The following DPP6 variants were observed in gnomAD, a reference collection of about 807,000 sequenced individuals.
The protein encoded by DPP6 is dipeptidyl peptidase like 6.
A neutral mutation model predicts 122.6 loss-of-function variants in DPP6; 69 were observed. That is an observed-to-expected ratio of 0.56 (90% CI 0.46 to 0.69). The LOEUF (loss-of-function observed/expected upper bound fraction) is 0.69. Among genes scored for constraint, DPP6 ranks in the 30% least tolerant of loss-of-function variants. The pLI, the probability that DPP6 is intolerant of heterozygous loss-of-function variation, is 0.00. For synonymous variants in DPP6, 418 were observed against 433.1 expected (o/e 0.97, Z 0.43); for missense variants, 928 against 1,116.9 (o/e 0.83, Z 2.41).
intron 1 of DPP6, among the ~76,000 whole-genome samples, chr7:154,385,155 G>C (rs1367700680): frequency 6.6e-6 from 1 of 152,078 alleles, no homozygotes; most frequent in Non-Finnish European, 1.5e-5. Flanking sequence ...ATTTTTAGTA[G>C]AGACAGGGTT....
At chr7:154,127,061 C>T (rs1206597258) in intron 1 of DPP6, among the ~76,000 whole-genome samples, 7 of 152,096 alleles carry the variant, frequency 4.6e-5, no homozygotes, top group Non-Finnish European at 7.3e-5. Context: ...AGCTGTATCC[C>T]CTCTTCTTCT....
chr7:154,141,923 T>G (rs997163156), intron 1 of DPP6, among the ~76,000 whole-genome samples: 1 of 152,154 alleles, frequency 6.6e-6, no homozygotes, highest in African/African-American at 2.4e-5. Context: ...TGAATATGAT[T>G]TACTGCCCTT....
rs116498025 is a variant in DPP6 at position 154,709,418 on chromosome 7, C to T, written c.763-18349C>T. Among the ~76,000 whole-genome samples the T allele has an allele frequency of 7.2e-3, 1,088 of 152,028 alleles. 11 individuals carry two copies. The highest frequency in any genetic ancestry group is 0.024 in the African/African-American group (1,014 of 41,452). ...TTGTTTTTGTAGAGATGGAGTCTTA[C>T]CGTGTTGCACAGGCTGGTCTCAAAC... On this transcript the variant is annotated intron_variant, in intron 7 of 25. Coordinates refer to ENST00000377770, the MANE Select transcript of DPP6 (RefSeq NM_130797.4).
chr7:154,522,175 C>G (rs555052661), intron 3 of DPP6, among the ~76,000 whole-genome samples: 1 of 152,188 alleles, frequency 6.6e-6, no homozygotes, highest in African/African-American at 2.4e-5. Context: ...GGGGTTTCAC[C>G]GCGTTAGCCA....
At chr7:154,168,645 T>G (rs752218073) in intron 1 of DPP6, among the ~76,000 whole-genome samples, 3 of 152,198 alleles carry the variant, frequency 2.0e-5, no homozygotes, top group Non-Finnish European at 4.4e-5. Context: ...TTGAGGTCTT[T>G]AAAGTCAACA....
intron 1 of DPP6, among the ~76,000 whole-genome samples, chr7:153,931,496 G>C (rs1801167355): frequency 6.6e-6 from 1 of 152,112 alleles, no homozygotes; most frequent in South Asian, 2.1e-4. Context: ...TTCTTCAGGT[G>C]AATGTCCTAG....
chr7:153,994,103 C>T, intron 1 of DPP6, among the ~76,000 whole-genome samples: 1 of 151,782 alleles, frequency 6.6e-6, no homozygotes, highest in Non-Finnish European at 1.5e-5. Context: ...TAAGTGACCT[C>T]TCTGGTTGAG....
chr7:154,181,302 A>G (rs1798068927), intron 1 of DPP6, among the ~76,000 whole-genome samples: 1 of 152,166 alleles, frequency 6.6e-6, no homozygotes, highest in Non-Finnish European at 1.5e-5. Flanking sequence ...TAAGAGAGGA[A>G]CACTACTGTC....
the DPP6 span, among the ~76,000 whole-genome samples, chr7:153,865,189 A>C: frequency 6.6e-6 from 1 of 152,202 alleles, no homozygotes; most frequent in Admixed American, 6.5e-5. Context: ...ATAAAGAAAA[A>C]CATTTTTTGG....
At chr7:153,790,268 T>C in the DPP6 span, among the ~76,000 whole-genome samples, 2 of 152,172 alleles carry the variant, frequency 1.3e-5, no homozygotes, top group Admixed American at 1.3e-4. Context: ...TAGGAGCATC[T>C]AGAGAATTTG....
At chr7:154,008,255 G>A (rs937814115) in intron 1 of DPP6, among the ~76,000 whole-genome samples, 7 of 152,180 alleles carry the variant, frequency 4.6e-5, no homozygotes, top group South Asian at 2.1e-4. Context: ...CAGAGAACCC[G>A]TGGGCAGCTC....
chr7:154,674,648 G>A (rs549241057), intron 7 of DPP6, among the ~76,000 whole-genome samples: 1 of 152,228 alleles, frequency 6.6e-6, no homozygotes, highest in Admixed American at 6.5e-5. Context: ...AGTGATAAAT[G>A]AAGAGCTTTG....
chr7:154,573,575 C>A (rs1831266230), intron 5 of DPP6, among the ~76,000 whole-genome samples: 2 of 152,204 alleles, frequency 1.3e-5, no homozygotes, highest in South Asian at 2.1e-4. Flanking sequence ...AACCATCTTT[C>A]CTTTGCGACC....
intron 7 of DPP6, among the ~76,000 whole-genome samples, chr7:154,699,998 AACATAG>A (rs1840426879): frequency 6.6e-6 from 1 of 152,248 alleles, no homozygotes; most frequent in African/African-American, 2.4e-5. Flanking sequence ...CACCCTAGGT[AACATAG>A]CCCTGAAATG....
intron 16 of DPP6, among the ~76,000 whole-genome samples, chr7:154,829,195 C>A (rs554472334): frequency 8.3e-5 from 12 of 144,174 alleles, no homozygotes; most frequent in African/African-American, 3.0e-4. Flanking sequence ...CCAGCCTGGG[C>A]AACATGGCAA....
chr7:153,811,814 C>T, the DPP6 span, among the ~76,000 whole-genome samples: 1 of 152,112 alleles, frequency 6.6e-6, no homozygotes, highest in Admixed American at 6.6e-5. Flanking sequence ...TCTCCTGTCC[C>T]CAGGCTAAGA....
At chr7:154,213,522 A>T (rs770812945) in intron 1 of DPP6, among the ~76,000 whole-genome samples, 4 of 152,152 alleles carry the variant, frequency 2.6e-5, no homozygotes, top group Non-Finnish European at 5.9e-5. Context: ...AAAGAATCCA[A>T]CCACTCAGCT....
chr7:154,812,415 G>A (rs1407654443), intron 16 of DPP6, among the ~76,000 whole-genome samples: 1 of 152,076 alleles, frequency 6.6e-6, no homozygotes, highest in Non-Finnish European at 1.5e-5. Context: ...TAGACTGTGT[G>A]GCTTATAAAC....
At chr7:153,895,627 ATTGG>A (rs1799376437) in intron 1 of DPP6, among the ~76,000 whole-genome samples, 1 of 70,530 alleles carries the variant, frequency 1.4e-5, no homozygotes, top group South Asian at 5.0e-4. Context: ...GTATAGTCCT[ATTGG>A]ACACAAAATC....
Sources: gnomAD v4.1 joint callset for allele counts (sites outside exome capture counted in the v4.1 genomes callset) on GRCh38, gnomAD v4.1.1 for gene constraint, MANE v1.5 for transcripts, NCBI Gene and HGNC (gene_info 2026-07-23, HGNC 2026-07-21) for gene names.